Variants in ERGIC1 observed in about 807,000 individuals in gnomAD.
ERGIC1 encodes the protein endoplasmic reticulum-Golgi intermediate compartment protein 1.
In ERGIC1, 19 loss-of-function variants were observed where a neutral mutation model predicts 38.3. That is an observed-to-expected ratio of 0.50 (90% confidence interval 0.35 to 0.73). The LOEUF is 0.73. Among genes scored for constraint, ERGIC1 ranks in the 30% least tolerant of loss-of-function variants. ERGIC1 has a pLI of 0.01. For synonymous variants in ERGIC1, 124 were observed against 157.6 expected (o/e 0.79, Z 1.60); for missense variants, 294 against 389.2 (o/e 0.76, Z 2.06).
intron 1 of ERGIC1, among the ~76,000 whole-genome samples, chr5:172,835,913 C>A (rs1761022970): frequency 6.6e-6 from 1 of 152,222 alleles, no homozygotes; most frequent in Non-Finnish European, 1.5e-5. Flanking sequence ...TCAGTTAAGT[C>A]TGGGCCATAA....
At chr5:172,864,218 C>G (rs1020737946) in intron 1 of ERGIC1, among the ~76,000 whole-genome samples, 14 of 151,662 alleles carry the variant, frequency 9.2e-5, no homozygotes, top group African/African-American at 2.4e-4. Context: ...AAACAAACAC[C>G]TCAACGGTTC....
At chr5:172,894,014 G>T (rs1423276937) in intron 2 of ERGIC1, among the ~76,000 whole-genome samples, 1 of 139,270 alleles carries the variant, frequency 7.2e-6, no homozygotes, top group Non-Finnish European at 1.5e-5. Context: ...TGCAGATCAG[G>T]AGAGACAGAC....
At chr5:172,933,487 G>A (rs1013652895) in intron 8 of ERGIC1, 1 of 152,146 alleles carries the variant, frequency 6.6e-6, no homozygotes, top group African/African-American at 2.4e-5. Context: ...GGCTGAGTGG[G>A]GATTAGAACA....
Position 172,926,559 on chromosome 5 carries a change from C to T in ERGIC1, c.531C>T (p.Leu177=). The T allele has an allele frequency of 6.2e-7, 1 of 1,612,688 alleles. No individual in the cohort carries two copies. ...AFNALGGADR[L]TSNPLASHDY... ...ATGCTCTCGGGGGAGCAGACAGACT[C>T]ACCTCCAACCGTATGTATCCCTGCT... Residue 177 remains leucine (L), a synonymous_variant, in exon 7 of 10, where the codon CTC becomes CTT. Transcript: ENST00000393784. The surrounding 1 kb of genome is among the most constrained non-coding windows in gnomAD (Gnocchi z 5.2).
At chr5:172,943,270 T>C (rs1014304512) in intron 9 of ERGIC1, among the ~76,000 whole-genome samples, 1 of 152,014 alleles carries the variant, frequency 6.6e-6, no homozygotes, top group Non-Finnish European at 1.5e-5. Context: ...ATAGGAATTG[T>C]AAAAATGTCA....
intron 3 of ERGIC1, among the ~76,000 whole-genome samples, chr5:172,904,065 C>T (rs562880938): frequency 6.6e-6 from 1 of 152,302 alleles, no homozygotes; most frequent in East Asian, 1.9e-4. Context: ...TGGCAGTCAT[C>T]CAGCAGCCCT....
intron 1 of ERGIC1, among the ~76,000 whole-genome samples, chr5:172,874,228 G>A (rs562441609): frequency 7.9e-5 from 12 of 152,216 alleles, no homozygotes; most frequent in African/African-American, 1.9e-4. Flanking sequence ...ACAGGCACAC[G>A]CCACCACGCC....
intron 4 of ERGIC1, among the ~76,000 whole-genome samples, chr5:172,914,240 A>AT (rs1763284775): frequency 1.3e-5 from 1 of 76,224 alleles, no homozygotes; most frequent in East Asian, 2.9e-4. Context: ...GTCTCAAAAA[A>AT]AAAAAAAAAA....
intron 1 of ERGIC1, among the ~76,000 whole-genome samples, chr5:172,839,336 G>A (rs570381853): frequency 6.6e-6 from 1 of 151,500 alleles, no homozygotes; most frequent in Non-Finnish European, 1.5e-5. Context: ...TGGGAGGATT[G>A]CTTGAGGATT....
chr5:172,885,977 C>T (rs1356013151), intron 1 of ERGIC1, among the ~76,000 whole-genome samples: 1 of 152,100 alleles, frequency 6.6e-6, no homozygotes, highest in Non-Finnish European at 1.5e-5. Flanking sequence ...AAGGTCTGGC[C>T]TCCTGAGCCC....
At chr5:172,891,857 C>T (rs1448744647) in intron 2 of ERGIC1, among the ~76,000 whole-genome samples, 5 of 152,192 alleles carry the variant, frequency 3.3e-5, no homozygotes, top group East Asian at 1.9e-4. Context: ...TTCCTGCCAG[C>T]GGATAAACAG....
chr5:172,861,663 T>TA (rs1308345280), intron 1 of ERGIC1, among the ~76,000 whole-genome samples: 3 of 152,194 alleles, frequency 2.0e-5, no homozygotes, highest in African/African-American at 7.2e-5. Context: ...AGTAGGTACT[T>TA]AGGAAGTGGT....
intron 1 of ERGIC1, among the ~76,000 whole-genome samples, chr5:172,862,511 A>G (rs1473588608): frequency 1.3e-5 from 2 of 151,996 alleles, no homozygotes; most frequent in Non-Finnish European, 2.9e-5. Context: ...CAGCTGTAAG[A>G]TCCCTTTTCC....
Position 172,866,782 on chromosome 5 carries a change from G to A in ERGIC1, c.21-21917G>A, listed in dbSNP as rs1023397277. ...CCAGTCTATTGTCTAGTGGAGGCACGGGCGGCCCAGGGGCCTTCCCCGATG... is the reference window on the plus strand; with the variant it reads ...CCAGTCTATTGTCTAGTGGAGGCACAGGCGGCCCAGGGGCCTTCCCCGATG... On this transcript the variant is annotated intron_variant, in intron 1 of 9. Coordinates refer to ENST00000393784, the MANE Select transcript of ERGIC1 (RefSeq NM_001031711.3). Among the ~76,000 whole-genome samples the A allele has an allele frequency of 3.9e-5, 6 of 152,342 alleles. No individual in the cohort carries two copies. In the Middle Eastern group the frequency reaches 0.01, roughly 259 times the overall value.
intron 9 of ERGIC1, among the ~76,000 whole-genome samples, chr5:172,943,168 A>T (rs1764048240): frequency 6.6e-6 from 1 of 152,170 alleles, no homozygotes; most frequent in Non-Finnish European, 1.5e-5. Context: ...ATGAGAAAAG[A>T]GGAGAAGGTG....
chr5:172,909,248 C>A (rs13153133), intron 3 of ERGIC1, among the ~76,000 whole-genome samples: 2 of 146,734 alleles, frequency 1.4e-5, no homozygotes, highest in Non-Finnish European at 3.0e-5. Flanking sequence ...CGGCTCACTG[C>A]AACCTCAGCC....
At chr5:172,882,301 T>G (rs1471596581) in intron 1 of ERGIC1, among the ~76,000 whole-genome samples, 1 of 152,192 alleles carries the variant, frequency 6.6e-6, no homozygotes, top group Non-Finnish European at 1.5e-5. Flanking sequence ...GAACACTGCC[T>G]GGTATATTAG....
In ERGIC1 at chr5:172,896,991, G is replaced by T; in HGVS notation, c.83-11G>T. The T allele has an allele frequency of 4.3e-6, 7 of 1,613,962 alleles. No homozygotes were observed. Among genetic ancestry groups the T allele is most frequent in the Non-Finnish European group, 5.9e-6 (7 of 1,179,864 alleles). On this transcript the variant is annotated splice_polypyrimidine_tract_variant and intron_variant, in intron 2 of 9. Coordinates refer to ENST00000393784, the MANE Select transcript of ERGIC1 (RefSeq NM_001031711.3). ...ACCCTTAACAGTTTGCATTTCTGTT[G>T]TTTCTTCCAGTCTCCATCTGCTGCT...
At chr5:172,885,065 C>T (rs972010979) in intron 1 of ERGIC1, among the ~76,000 whole-genome samples, 2 of 152,198 alleles carry the variant, frequency 1.3e-5, no homozygotes, top group African/African-American at 4.8e-5. Flanking sequence ...TGCCTCCTCA[C>T]CCAGAGCAGC....
Sources: gnomAD v4.1 joint callset for allele counts (sites outside exome capture counted in the v4.1 genomes callset) on GRCh38, gnomAD v4.1.1 for gene constraint, Gnocchi (gnomAD v3.1) non-coding constraint, MANE v1.5 for transcripts, NCBI Gene and HGNC (gene_info 2026-07-23, HGNC 2026-07-21) for gene names.